ZRANB3: variants seen among roughly 807,000 people sequenced by gnomAD.
ZRANB3 encodes the protein zinc finger RANBP2-type containing 3, also known as DNA annealing helicase and endonuclease ZRANB3.
Under a neutral mutation model 133.8 loss-of-function variants are expected in ZRANB3, and 125 were observed. That is an observed-to-expected ratio of 0.93 (90% confidence interval 0.81 to 1.08). The LOEUF is 1.08. Among genes scored for constraint, ZRANB3 ranks in the 50% least tolerant of loss-of-function variants. The pLI is 0.00. For synonymous variants in ZRANB3, 387 were observed against 432.7 expected (o/e 0.89, Z 1.31); for missense variants, 1,229 against 1,275.5 (o/e 0.96, Z 0.56).
chr2:135,230,547 A>G lies in ZRANB3; in HGVS notation c.1920T>C (p.Tyr640=). 3 of 1,559,220 alleles carry G rather than the reference A, an allele frequency of 1.9e-6. No individual in the cohort carries two copies. In the South Asian group the frequency reaches 3.8e-5, roughly 20 times the overall value. ...CTTGAGGAGTCTCACACATTTCACAATAAGGTAACTCTGAATTATTGATAT... is the reference window on the plus strand; with the variant it reads ...CTTGAGGAGTCTCACACATTTCACAGTAAGGTAACTCTGAATTATTGATAT... ...CTYINNSELP[Y]CEMCETPQGS... Residue 640 remains tyrosine (Y), a synonymous_variant, in exon 13 of 21, where the codon TAT becomes TAC. Coordinates refer to ENST00000264159, the MANE Select transcript of ZRANB3 (RefSeq NM_032143.4).
intron 2 of ZRANB3, among the ~76,000 whole-genome samples, chr2:135,442,325 C>T (rs773682707): frequency 6.6e-6 from 1 of 152,106 alleles, no homozygotes; most frequent in Non-Finnish European, 1.5e-5. Context: ...CCAGAATCTA[C>T]AAAGAACTTA....
At chr2:135,301,508 G>A (rs1682431953) in intron 8 of ZRANB3, among the ~76,000 whole-genome samples, 1 of 152,088 alleles carries the variant, frequency 6.6e-6, no homozygotes. Flanking sequence ...TTGTAGAGGT[G>A]TGGTCTCACT....
At chr2:135,451,211 TG>T (rs1438277234) in intron 2 of ZRANB3, among the ~76,000 whole-genome samples, 1 of 152,174 alleles carries the variant, frequency 6.6e-6, no homozygotes. Context: ...AATATTCCTA[TG>T]AATATTAAAA....
intron 6 of ZRANB3, among the ~76,000 whole-genome samples, chr2:135,341,231 T>A (rs1419948826): frequency 6.7e-6 from 1 of 149,830 alleles, no homozygotes; most frequent in African/African-American, 2.6e-5. Flanking sequence ...GGTTTCATCA[T>A]GTTAGCCAGG....
intron 12 of ZRANB3, among the ~76,000 whole-genome samples, chr2:135,245,664 C>A (rs182362244): frequency 6.6e-6 from 1 of 151,438 alleles, no homozygotes; most frequent in Non-Finnish European, 1.5e-5. Flanking sequence ...CTGTGGCTCA[C>A]GCCTGTAATC....
At chr2:135,506,398 G>C (rs980412311) in intron 1 of ZRANB3, among the ~76,000 whole-genome samples, 1 of 151,800 alleles carries the variant, frequency 6.6e-6, no homozygotes, top group African/African-American at 2.4e-5. Flanking sequence ...TCAAAAAAAA[G>C]AAAAACAAAA....
Position 135,350,304 on chromosome 2 carries a change from A to C in ZRANB3, c.360-89T>G, listed in dbSNP as rs190916967. 3 of 869,328 alleles carry C rather than the reference A, an allele frequency of 3.5e-6. No individual in the cohort carries two copies. The African/African-American group carries it at 5.1e-5, about 15-fold the overall frequency. 53.9% of individuals were successfully genotyped at this position (869,328 alleles called of 1,614,324 possible). On this transcript the variant is annotated intron_variant, in intron 4 of 20. Coordinates refer to ENST00000264159, the MANE Select transcript of ZRANB3 (RefSeq NM_032143.4). ...ACTCTCTTGGGAAAAAATACAGAGG[A>C]GAAGAAAGAAGAATAGAGGAAAAAT...
At chr2:135,420,667 G>T (rs1043242289) in intron 2 of ZRANB3, among the ~76,000 whole-genome samples, 11 of 151,994 alleles carry the variant, frequency 7.2e-5, no homozygotes, top group Non-Finnish European at 1.5e-4. Flanking sequence ...CCTGTACTTA[G>T]GATTCCAAAG....
At chr2:135,370,033 C>CTTTT (rs548070677) in intron 3 of ZRANB3, among the ~76,000 whole-genome samples, 2 of 119,354 alleles carry the variant, frequency 1.7e-5, no homozygotes, top group Admixed American at 8.3e-5. Context: ...GGGCATGTTT[C>CTTTT]TTTTTTTTTT....
At chr2:135,273,083 G>A (rs1680613684) in intron 9 of ZRANB3, among the ~76,000 whole-genome samples, 1 of 151,690 alleles carries the variant, frequency 6.6e-6, no homozygotes, top group Non-Finnish European at 1.5e-5. Context: ...ATACTCGGGA[G>A]GCTGAGGCAG....
In ZRANB3 at chr2:135,207,476, A is replaced by T. The variant is rs750160406; in HGVS notation, c.2967T>A (p.Asn989Lys). The T allele has an allele frequency of 1.5e-5, 24 of 1,613,802 alleles. No individual in the cohort carries two copies. In the East Asian group the frequency reaches 5.1e-4, roughly 34 times the overall value. The part of the protein sequence containing the change: ...LRDAPKSQRK[N>K]LLYATWTSKL... ...TTGAAGTCCAGGTAGCATACAGAAG[A>T]TTCTTCCTCTGACTTTTAGGGGCAT... The change falls in exon 19 of 21, where the codon AAT (asparagine) becomes AAA (lysine). Residue 989 changes from asparagine (N) to lysine (K), a missense_variant. Physicochemically the swap from Asn to Lys is moderately conservative, Grantham distance 94 (BLOSUM62 0). Transcript: ENST00000264159.
Position 135,271,818 on chromosome 2 carries a change from T to C in ZRANB3, c.1156A>G (p.Lys386Glu). The C allele has an allele frequency of 6.2e-7, 1 of 1,613,850 alleles. No individual in the cohort carries two copies. The highest frequency in any genetic ancestry group is 8.5e-7 in the Non-Finnish European group (1 of 1,179,838). The change falls in exon 10 of 21, where the codon AAG becomes GAG. Residue 386 changes from lysine to glutamate, a missense_variant. By Grantham distance (56) the Lys-to-Glu change is moderately conservative. Transcript: ENST00000264159. ...ERIHLVNQFQ[K>E]DPDTRVAILS... is the part of the protein sequence containing the mutation. ...ATAGCCACGCGAGTGTCAGGATCCT[T>C]TTGAAACTGATTAACCAGATGTATT...
intron 2 of ZRANB3, among the ~76,000 whole-genome samples, chr2:135,430,748 A>G (rs1026376761): frequency 5.9e-5 from 9 of 152,240 alleles, no homozygotes; most frequent in Non-Finnish European, 1.0e-4. Context: ...ATACAGTTGA[A>G]AAATCATCCA....
intron 2 of ZRANB3, among the ~76,000 whole-genome samples, chr2:135,468,948 CAGT>C (rs1259525228): frequency 6.6e-5 from 10 of 152,080 alleles, no homozygotes; most frequent in African/African-American, 1.9e-4. Context: ...TATTTGCATA[CAGT>C]AGGAGTGACA....
chr2:135,506,084 G>A (rs1016221388), intron 1 of ZRANB3, among the ~76,000 whole-genome samples: 1 of 152,066 alleles, frequency 6.6e-6, no homozygotes, highest in African/African-American at 2.4e-5. Context: ...TGGTGTTTTC[G>A]GAAAACAGAA....
intron 19 of ZRANB3, among the ~76,000 whole-genome samples, chr2:135,207,122 G>A (rs944931618): frequency 4.6e-5 from 7 of 151,646 alleles, no homozygotes; most frequent in African/African-American, 1.7e-4. Context: ...TTGAGATTGC[G>A]CCACTGCACT....
At chr2:135,528,157 T>G (rs1694238359) in intron 1 of ZRANB3, among the ~76,000 whole-genome samples, 1 of 150,738 alleles carries the variant, frequency 6.6e-6, no homozygotes, top group East Asian at 1.9e-4. Context: ...TTTTTTTTTG[T>G]GGTTTGTTTG....
chr2:135,444,597 A>G (rs977961340), intron 2 of ZRANB3, among the ~76,000 whole-genome samples: 1 of 152,202 alleles, frequency 6.6e-6, no homozygotes, highest in Non-Finnish European at 1.5e-5. Flanking sequence ...TGAAATTTAT[A>G]GAAAAGGTAA....
chr2:135,231,195 C>T (rs1471055793), intron 12 of ZRANB3, among the ~76,000 whole-genome samples: 1 of 152,136 alleles, frequency 6.6e-6, no homozygotes, highest in Non-Finnish European at 1.5e-5. Context: ...ATTTAATCCT[C>T]ACATCAGCTC....
Sources: allele counts gnomAD v4.1 joint callset (sites outside exome capture counted in the v4.1 genomes callset), GRCh38; gene constraint gnomAD v4.1.1; transcripts MANE v1.5; gene names NCBI Gene and HGNC (gene_info 2026-07-23, HGNC 2026-07-21).